The following DNAJC17 variants were observed in gnomAD, a reference collection of about 807,000 sequenced individuals.
DNAJC17 encodes DnaJ heat shock protein family (Hsp40) member C17, also known as dnaJ homolog subfamily C member 17.
Under a neutral mutation model 48.1 loss-of-function variants are expected in DNAJC17, and 35 were observed. The ratio of observed to expected loss-of-function variants is 0.73; its 90% CI spans 0.56 to 0.96. The LOEUF is 0.96. DNAJC17 is among the 50% of genes least tolerant of loss of function. The probability of loss-of-function intolerance (pLI) is 0.00; values close to 1 mark genes in which losing one functional copy is unlikely to be tolerated. For missense variants in DNAJC17, 355 were observed against 377.1 expected (o/e 0.94, Z 0.48); for synonymous variants, 117 against 142.7 (o/e 0.82, Z 1.28).
intron 1 of DNAJC17, among the ~76,000 whole-genome samples, chr15:40,792,976 C>T (rs1016932801): frequency 2.0e-5 from 3 of 148,966 alleles, no homozygotes; most frequent in African/African-American, 7.5e-5. Context: ...TCACTGCAAG[C>T]TCTGCCTCCG....
In DNAJC17 at chr15:40,767,121, G is replaced by T; in HGVS notation, c.*819C>A. Reference sequence around the variant, plus strand: ...AGCGCCCAGCAAGCAGCCAGCAAGTGTGAGTCACTACAAGAGTGGCCAGGC... The same window carrying T: ...AGCGCCCAGCAAGCAGCCAGCAAGTTTGAGTCACTACAAGAGTGGCCAGGC... On this transcript the variant is annotated 3_prime_UTR_variant, in exon 11 of 11. Transcript: ENST00000220496. 1 of 1,220,972 alleles carries T rather than the reference G, an allele frequency of 8.2e-7. No individual in the cohort carries two copies. The highest frequency in any genetic ancestry group is 1.1e-6 in the Non-Finnish European group (1 of 916,986). The allele number at this position is 1,220,972 out of a possible 1,614,324, so 75.6% of individuals were successfully genotyped here. A position where few individuals can be genotyped will look rare whatever the true frequency, so the allele number is the denominator to read the frequency against.
At chr15:40,774,905 A>G in intron 8 of DNAJC17, 126 bp downstream of exon 8, 2 of 974,254 alleles carry the variant, frequency 2.1e-6, no homozygotes, top group Non-Finnish European at 3.1e-6. Flanking sequence ...CCCATGGTCT[A>G]TGAGACAGAA....
At chr15:40,787,881 G>A (rs1305317038) in intron 1 of DNAJC17, among the ~76,000 whole-genome samples, 1 of 152,126 alleles carries the variant, frequency 6.6e-6, no homozygotes, top group Non-Finnish European at 1.5e-5. Context: ...TTAAAAGAAA[G>A]GTGCCCTACA....
At chr15:40,776,953 C>T (rs183159562) in intron 4 of DNAJC17, 8 of 249,500 alleles carry the variant, frequency 3.2e-5, no homozygotes, top group South Asian at 6.9e-5. Context: ...TGCCAATGGG[C>T]GGAGCTGCTG....
At chr15:40,780,298 T>G in intron 1 of DNAJC17, 1 of 554,494 alleles carries the variant, frequency 1.8e-6, no homozygotes, top group Non-Finnish European at 3.4e-6. Flanking sequence ...CGACAGCCAC[T>G]CGAAGACAGG....
chr15:40,776,789 T>C (rs1165511121), intron 4 of DNAJC17, 162 bp from the exon 5 acceptor site: 17 of 654,402 alleles, frequency 2.6e-5, no homozygotes, highest in Non-Finnish European at 4.3e-5. Context: ...TCAATTTCCA[T>C]TGAGAAAAAT....
At position 40,765,611 on chromosome 15, in the gene DNAJC17, T is replaced by G. The variant is rs559339337; in HGVS notation, c.*2329A>C. 2.7e-6 allele frequency: 1 copy of G among 365,800 alleles called. No homozygotes were observed. Among genetic ancestry groups the G allele is most frequent in the African/African-American group, 2.1e-5 (1 of 47,962 alleles). 22.7% of individuals were successfully genotyped at this position (365,800 alleles called of 1,614,324 possible). On this transcript the variant is annotated 3_prime_UTR_variant, in exon 11 of 11. Coordinates refer to ENST00000220496, the MANE Select transcript of DNAJC17 (RefSeq NM_018163.3). ...ATACTTTGCCTGGCTAAAGCTGAGC[T>G]TTAAGGCACTAGGGAGGGCGCCTAC...
intron 1 of DNAJC17, among the ~76,000 whole-genome samples, chr15:40,800,491 T>C (rs554997583): frequency 8.6e-5 from 13 of 151,896 alleles, no homozygotes; most frequent in East Asian, 1.9e-4. Flanking sequence ...TTTTCTTTTT[T>C]TTTTTTTAAT....
chr15:40,770,120 C>CATTAAAAAA lies in DNAJC17; in HGVS notation c.793-2059_793-2058insTTTTTTAAT. The CATTAAAAAA allele has an allele frequency of 4.6e-6, 1 of 216,986 alleles. No homozygotes were observed. The highest frequency in any genetic ancestry group is 9.2e-6 in the Non-Finnish European group (1 of 108,318). The allele number at this position is 216,986 out of a possible 1,614,324, so 13.4% of individuals were successfully genotyped here. A position where few individuals can be genotyped will look rare whatever the true frequency, so the allele number is the denominator to read the frequency against. On this transcript the variant is annotated intron_variant, in intron 10 of 10. Transcript: ENST00000220496. The surrounding 1 kb of genome is among the most constrained non-coding windows in gnomAD (Gnocchi z 5.0). ...GCTGCCTGCCTGTGGAAGGAGCGCT[C>CATTAAAAAA]GCCAGCCTCACCCAGCCCGAGAAGG...
chr15:40,769,299 G>A lies in DNAJC17; in HGVS notation c.793-1237C>T, dbSNP rs1412030452. ...GGAAGCCCGGTAGCCAGAGGGGAAG[G>A]GCTGGAGCACAGCCAGGTAGGAGGC... On this transcript the variant is annotated intron_variant, in intron 10 of 10. Coordinates refer to ENST00000220496, the MANE Select transcript of DNAJC17 (RefSeq NM_018163.3). The surrounding 1 kb of genome is among the most constrained non-coding windows in gnomAD (Gnocchi z 4.2). Among the ~76,000 whole-genome samples the A allele has an allele frequency of 1.3e-5, 2 of 152,200 alleles. No individual in the cohort carries two copies. Among genetic ancestry groups the A allele is most frequent in the South Asian group, 2.1e-4 (1 of 4,832 alleles).
intron 1 of DNAJC17, chr15:40,807,008 C>CTGAA: frequency 1.9e-6 from 1 of 520,830 alleles, no homozygotes; most frequent in Non-Finnish European, 3.4e-6. Flanking sequence ...GCAGAAGAGA[C>CTGAA]TGAAATGAGG....
Position 40,767,368 on chromosome 15 carries a change from C to A in DNAJC17, c.*572G>T. 1.3e-6 allele frequency: 2 copies of A among 1,590,022 alleles called. No individual in the cohort carries two copies. The highest frequency in any genetic ancestry group is 1.7e-6 in the Non-Finnish European group (2 of 1,169,048). ...GGAGTGACCTTCTCATGCTGATTTG[C>A]AGACGGGGCACCCCTGTGGAGGGGC... On this transcript the variant is annotated 3_prime_UTR_variant, in exon 11 of 11. Coordinates refer to ENST00000220496, the MANE Select transcript of DNAJC17 (RefSeq NM_018163.3).
At chr15:40,798,973 A>G (rs943172090) in intron 1 of DNAJC17, among the ~76,000 whole-genome samples, 43 of 152,108 alleles carry the variant, frequency 2.8e-4, no homozygotes, top group African/African-American at 1.0e-3. Flanking sequence ...TAATCCCAGC[A>G]CTTTGGGAGG....
rs546508649 is a variant in DNAJC17 at position 40,794,218 on chromosome 15, T to C, written c.78+13151A>G. Among the ~76,000 whole-genome samples the C allele has an allele frequency of 2.0e-5, 3 of 151,982 alleles. No homozygotes were observed. The South Asian group carries it at 6.2e-4, about 32-fold the overall frequency. On this transcript the variant is annotated intron_variant, in intron 1 of 10. Transcript: ENST00000220496. ...TACAAAAATTAGCCAGGCATGGTGG[T>C]GCATGCCTATAATCCTAGCTACTCA...
intron 1 of DNAJC17, chr15:40,792,383 G>C (rs1029664157): frequency 5.8e-6 from 5 of 855,858 alleles, no homozygotes; most frequent in South Asian, 5.3e-5. Context: ...CTGATAAATA[G>C]ACTTAAGCTT....
chr15:40,801,302 A>C (rs1890066497), intron 1 of DNAJC17, among the ~76,000 whole-genome samples: 1 of 152,248 alleles, frequency 6.6e-6, no homozygotes, highest in African/African-American at 2.4e-5. Context: ...TAAGTGCTAG[A>C]AAAAAGAAAA....
chr15:40,781,644 A>G (rs57380807), intron 1 of DNAJC17, among the ~76,000 whole-genome samples: 7,619 of 152,150 alleles, frequency 0.05, 652 homozygotes, highest in African/African-American at 0.18. Flanking sequence ...AGTTTAGTCC[A>G]GGTGCGGTGG....
At chr15:40,791,964 G>A (rs1039937039) in intron 1 of DNAJC17, among the ~76,000 whole-genome samples, 1 of 152,216 alleles carries the variant, frequency 6.6e-6, no homozygotes, top group Non-Finnish European at 1.5e-5. Context: ...GATTACATCA[G>A]GCACACTTCA....
intron 1 of DNAJC17, among the ~76,000 whole-genome samples, chr15:40,783,392 T>A (rs1205687929): frequency 6.6e-6 from 1 of 152,140 alleles, no homozygotes; most frequent in African/African-American, 2.4e-5. Flanking sequence ...ATCTCCACCC[T>A]CTCTCTGGGA....
Sources: allele counts gnomAD v4.1 joint callset (sites outside exome capture counted in the v4.1 genomes callset), GRCh38; gene constraint gnomAD v4.1.1; non-coding constraint Gnocchi (gnomAD v3.1); transcripts MANE v1.5; gene names NCBI Gene and HGNC (gene_info 2026-07-23, HGNC 2026-07-21).